AUTS2: variants seen among roughly 807,000 people sequenced by gnomAD.
AUTS2 encodes the protein autism susceptibility gene 2 protein.
In AUTS2, 17 loss-of-function variants were observed where a neutral mutation model predicts 112.4. The ratio of observed to expected loss-of-function variants is 0.15; its 90% confidence interval spans 0.10 to 0.23. The LOEUF is 0.23. Among genes scored for constraint, AUTS2 ranks in the 10% least tolerant of loss-of-function variants. The pLI is 1.00. For missense variants in AUTS2, 1,510 were observed against 1,701.6 expected (o/e 0.89, Z 1.98); for synonymous variants, 751 against 702.7 (o/e 1.07, Z -1.09).
intron 5 of AUTS2, among the ~76,000 whole-genome samples, chr7:70,458,967 C>T (rs184424945): frequency 1.2e-4 from 19 of 152,316 alleles, no homozygotes; most frequent in Non-Finnish European, 2.5e-4. Context: ...AACTTACTCC[C>T]GACCCGGGCC....
chr7:69,989,820 A>G (rs984235109), intron 2 of AUTS2, among the ~76,000 whole-genome samples: 2 of 152,158 alleles, frequency 1.3e-5, no homozygotes, highest in African/African-American at 2.4e-5. Flanking sequence ...GCTAACAAAC[A>G]TTAAGGCCTG....
chr7:70,676,951 C>T (rs1450552961), intron 5 of AUTS2, among the ~76,000 whole-genome samples: 2 of 152,204 alleles, frequency 1.3e-5, no homozygotes, highest in Non-Finnish European at 2.9e-5. Flanking sequence ...TCTGTACATA[C>T]TTGCCTCTAT....
chr7:70,318,944 AAGTG>A lies in AUTS2; in HGVS notation c.661-116804_661-116801del, dbSNP rs1225883560. ...GTCACTTTGGTGCTGCTGAGACAGA[AAGTG>A]AGTATTTTATGTGCTGTCTCTTTTC... On this transcript the variant is annotated intron_variant, in intron 4 of 18. Coordinates refer to ENST00000342771, the MANE Select transcript of AUTS2 (RefSeq NM_015570.4). Among the ~76,000 whole-genome samples the A allele has an allele frequency of 3.3e-5, 5 of 152,216 alleles. No individual in the cohort carries two copies. The South Asian group carries it at 6.2e-4, about 19-fold the overall frequency.
At chr7:70,748,486 C>A (rs886738499) in intron 6 of AUTS2, among the ~76,000 whole-genome samples, 1 of 152,174 alleles carries the variant, frequency 6.6e-6, no homozygotes, top group African/African-American at 2.4e-5. Context: ...TTTATTTCTT[C>A]TGTTCCTAAA....
At chr7:69,930,648 A>G (rs899140527) in intron 2 of AUTS2, among the ~76,000 whole-genome samples, 2 of 152,160 alleles carry the variant, frequency 1.3e-5, no homozygotes. Context: ...TGGTTCTCCC[A>G]TATTTCATTT....
chr7:69,712,104 C>G (rs1007080328), intron 1 of AUTS2, among the ~76,000 whole-genome samples: 5 of 152,294 alleles, frequency 3.3e-5, no homozygotes, highest in African/African-American at 9.6e-5. Context: ...CTTCCCTCAT[C>G]ATGGCACTTA....
chr7:70,580,756 A>T (rs1802395595), intron 5 of AUTS2, among the ~76,000 whole-genome samples: 1 of 152,190 alleles, frequency 6.6e-6, no homozygotes, highest in South Asian at 2.1e-4. Flanking sequence ...GAACAAATAG[A>T]TGTTCCAGTG....
intron 1 of AUTS2, among the ~76,000 whole-genome samples, chr7:69,697,186 T>C (rs1797597305): frequency 6.6e-6 from 1 of 152,230 alleles, no homozygotes; most frequent in African/African-American, 2.4e-5. Context: ...GCCCCAGGCA[T>C]TGCTGATGCT....
chr7:70,651,246 G>C (rs1305627521), intron 5 of AUTS2, among the ~76,000 whole-genome samples: 1 of 152,198 alleles, frequency 6.6e-6, no homozygotes, highest in Non-Finnish European at 1.5e-5. Context: ...CAGTGCCCTA[G>C]AGTTAGTAAA....
At chr7:69,604,234 G>A (rs1422585639) in intron 1 of AUTS2, among the ~76,000 whole-genome samples, 2 of 152,108 alleles carry the variant, frequency 1.3e-5, no homozygotes, top group Non-Finnish European at 2.9e-5. Context: ...ACAGAATTTG[G>A]TGTACTTATA....
chr7:69,887,566 A>G (rs1219656050), intron 1 of AUTS2, among the ~76,000 whole-genome samples: 1 of 152,194 alleles, frequency 6.6e-6, no homozygotes, highest in East Asian at 1.9e-4. Flanking sequence ...GAATACTTCT[A>G]GAGACATTGT....
intron 5 of AUTS2, among the ~76,000 whole-genome samples, chr7:70,660,614 T>G (rs1387198250): frequency 6.6e-6 from 1 of 152,216 alleles, no homozygotes; most frequent in Admixed American, 6.5e-5. Flanking sequence ...CTTCCACCAG[T>G]GTCAACCACC....
At chr7:70,450,884 C>T (rs1258128356) in intron 5 of AUTS2, among the ~76,000 whole-genome samples, 3 of 152,032 alleles carry the variant, frequency 2.0e-5, no homozygotes, top group African/African-American at 7.3e-5. Context: ...TCGTGGATGA[C>T]TCAGGTTTCA....
chr7:70,230,489 A>G (rs567082483), intron 4 of AUTS2, among the ~76,000 whole-genome samples: 1 of 152,334 alleles, frequency 6.6e-6, no homozygotes, highest in African/African-American at 2.4e-5. Context: ...CCCCTAAATC[A>G]CTGCCTTCTG....
At chr7:70,729,096 C>T (rs761776669) in intron 6 of AUTS2, 1 of 453,454 alleles carries the variant, frequency 2.2e-6, no homozygotes. Context: ...TGAGAACAGC[C>T]ATTTACAAAA....
intron 4 of AUTS2, among the ~76,000 whole-genome samples, chr7:70,162,361 G>A (rs1040526567): frequency 1.2e-4 from 16 of 136,950 alleles, no homozygotes; most frequent in African/African-American, 1.6e-4. Context: ...CAGGAGAATG[G>A]CATGAACCCG....
chr7:70,589,952 A>C (rs1027816912), intron 5 of AUTS2, among the ~76,000 whole-genome samples: 2 of 152,126 alleles, frequency 1.3e-5, no homozygotes, highest in African/African-American at 4.8e-5. Flanking sequence ...CAGAAAGCCC[A>C]GAAACCTTTC....
At chr7:70,769,512 C>T (rs1260319124) in intron 10 of AUTS2, among the ~76,000 whole-genome samples, 4 of 152,112 alleles carry the variant, frequency 2.6e-5, no homozygotes, top group African/African-American at 9.7e-5. Context: ...GGTGAAACCC[C>T]GTCTCTACTA....
At chr7:70,300,111 A>G (rs530151453) in intron 4 of AUTS2, among the ~76,000 whole-genome samples, 3 of 152,336 alleles carry the variant, frequency 2.0e-5, no homozygotes, top group Non-Finnish European at 4.4e-5. Context: ...TAGGTAAAAC[A>G]TAAGAGGCAG....
Sources: gnomAD v4.1 joint callset for allele counts (sites outside exome capture counted in the v4.1 genomes callset) on GRCh38, gnomAD v4.1.1 for gene constraint, MANE v1.5 for transcripts, NCBI Gene and HGNC (gene_info 2026-07-23, HGNC 2026-07-21) for gene names.